The following PLA1A variants were observed in gnomAD, a reference collection of about 807,000 sequenced individuals.
PLA1A encodes phosphatidylserine-specific phospholipase A1alpha.
A neutral mutation model predicts 49.4 loss-of-function variants in PLA1A; 47 were observed. The observed-to-expected ratio is 0.95, with a 90% CI of 0.75 to 1.21. The LOEUF (loss-of-function observed/expected upper bound fraction) is 1.21. Among genes scored for constraint, PLA1A ranks in the 50% most tolerant of loss-of-function variants. The pLI, the probability that PLA1A is intolerant of heterozygous loss-of-function variation, is 0.00. For missense variants in PLA1A, 561 were observed against 563.9 expected, an observed-to-expected ratio of 0.99 and a Z score of 0.05; for synonymous variants, 224 against 207.9, an observed-to-expected ratio of 1.08 and a Z score of -0.67.
At chr3:119,614,036 C>A (rs1272851450) in intron 5 of PLA1A, among the ~76,000 whole-genome samples, 2 of 152,216 alleles carry the variant, frequency 1.3e-5, no homozygotes, top group Non-Finnish European at 2.9e-5. Context: ...TGCTCCACGG[C>A]AAATGCCTGT....
Position 119,618,196 on chromosome 3 carries a change from T to C in PLA1A, c.922+10T>C. 1 of 1,605,424 alleles carries C rather than the reference T, an allele frequency of 6.2e-7. No individual in the cohort carries two copies. The highest frequency in any genetic ancestry group is 8.5e-7 in the Non-Finnish European group (1 of 1,174,906). Reference sequence around the variant, plus strand: ...TCCTGCCCAAGGATAGGTAAAGTGCTACCCCTTTGACTTCCTTTGACAATG... The same window carrying C: ...TCCTGCCCAAGGATAGGTAAAGTGCCACCCCTTTGACTTCCTTTGACAATG... On this transcript the variant is annotated intron_variant, in intron 7 of 10. Coordinates refer to ENST00000273371, the MANE Select transcript of PLA1A (RefSeq NM_015900.4).
chr3:119,614,107 G>C (rs895732279), intron 5 of PLA1A, among the ~76,000 whole-genome samples: 4 of 152,188 alleles, frequency 2.6e-5, no homozygotes, highest in Non-Finnish European at 5.9e-5. Context: ...GACCAGACAA[G>C]CTTGCAGCTC....
chr3:119,602,992 G>A (rs2082638026), intron 1 of PLA1A, among the ~76,000 whole-genome samples: 1 of 152,188 alleles, frequency 6.6e-6, no homozygotes, highest in Non-Finnish European at 1.5e-5. Flanking sequence ...TCTAGAGTGA[G>A]GAAGGGCAAG....
At chr3:119,619,027 A>C (rs760552493) in intron 7 of PLA1A, among the ~76,000 whole-genome samples, 1 of 152,162 alleles carries the variant, frequency 6.6e-6, no homozygotes, top group Non-Finnish European at 1.5e-5. Context: ...GCCACCTCAC[A>C]CTGTCTGCCC....
At chr3:119,606,460 A>G (rs1478547238) in intron 1 of PLA1A, among the ~76,000 whole-genome samples, 1 of 152,190 alleles carries the variant, frequency 6.6e-6, no homozygotes. Flanking sequence ...TAAGATTTCA[A>G]CATATGAATT....
chr3:119,618,618 TG>T (rs1337959266), intron 7 of PLA1A, among the ~76,000 whole-genome samples: 1 of 152,140 alleles, frequency 6.6e-6, no homozygotes, highest in African/African-American at 2.4e-5. Flanking sequence ...TCGTGAGAGC[TG>T]GGGGGATGCC....
chr3:119,626,569 T>G (rs1458322956), intron 9 of PLA1A, among the ~76,000 whole-genome samples: 1 of 152,084 alleles, frequency 6.6e-6, no homozygotes, highest in African/African-American at 2.4e-5. Context: ...TGCCAGGCCT[T>G]GAAGGACAGG....
At chr3:119,627,103 T>C (rs657079) in intron 9 of PLA1A, among the ~76,000 whole-genome samples, 117,131 of 152,106 alleles carry the variant, frequency 0.77, 46,031 homozygotes, top group African/African-American at 0.93. Flanking sequence ...CACAGCTACA[T>C]TTTAAAAGCT....
At chr3:119,612,133 A>G (rs950882747) in intron 4 of PLA1A, among the ~76,000 whole-genome samples, 14 of 152,316 alleles carry the variant, frequency 9.2e-5, no homozygotes, top group Admixed American at 5.9e-4. Context: ...GAGGTGCCCC[A>G]TTGGGGTGAG....
At chr3:119,609,110 C>T (rs780538330) in intron 3 of PLA1A, among the ~76,000 whole-genome samples, 163 bp downstream of exon 3, 1 of 152,086 alleles carries the variant, frequency 6.6e-6, no homozygotes, top group Non-Finnish European at 1.5e-5. Context: ...GCACTGACCT[C>T]GGGCAGCTTA....
At chr3:119,605,379 T>A (rs879392972) in intron 1 of PLA1A, among the ~76,000 whole-genome samples, 16 of 152,206 alleles carry the variant, frequency 1.1e-4, no homozygotes, top group Non-Finnish European at 1.9e-4. Context: ...TGAGGTATTC[T>A]CCACAGGTGG....
At chr3:119,608,260 GA>G (rs1430371301) in intron 2 of PLA1A, among the ~76,000 whole-genome samples, 1 of 148,004 alleles carries the variant, frequency 6.8e-6, no homozygotes, top group African/African-American at 2.5e-5. Flanking sequence ...AAGAAAGAAA[GA>G]AAGAAAGAAA....
At chr3:119,620,401 G>A (rs2107795574) in intron 8 of PLA1A, among the ~76,000 whole-genome samples, 1 of 152,246 alleles carries the variant, frequency 6.6e-6, no homozygotes, top group Non-Finnish European at 1.5e-5. Context: ...AGGGATCTTT[G>A]TGAAAATATC....
Position 119,628,850 on chromosome 3 carries a change from T to G in PLA1A, c.1271T>G (p.Leu424Trp). The G allele has an allele frequency of 1.2e-6, 2 of 1,614,008 alleles. No individual in the cohort carries two copies. Among genetic ancestry groups the G allele is most frequent in the South Asian group, 2.2e-5 (2 of 91,066 alleles). The change falls in exon 10 of 11, where the codon TTG (leucine) becomes TGG (tryptophan). Residue 424 changes from leucine (L) to tryptophan (W), a missense_variant. Coordinates refer to ENST00000273371, the MANE Select transcript of PLA1A (RefSeq NM_015900.4). ...ATTGGGAAGTTCTGCACTGCCCTTT[T>G]GCCTGTCAATGACAGGTAAGCCCCA... ...TIIGKFCTAL[L>W]PVNDREKMVC...
chr3:119,599,900 T>C (rs2082594953), intron 1 of PLA1A, among the ~76,000 whole-genome samples: 1 of 152,196 alleles, frequency 6.6e-6, no homozygotes, highest in Non-Finnish European at 1.5e-5. Flanking sequence ...TAATGTTCCT[T>C]ATTCTTACTT....
At chr3:119,609,663 A>C in intron 4 of PLA1A, 87 bp downstream of exon 4, 3 of 704,932 alleles carry the variant, frequency 4.3e-6, no homozygotes, top group South Asian at 3.5e-5. Context: ...AGCAGAGGGG[A>C]GTACAGAGCC....
At position 119,608,935 on chromosome 3, in the gene PLA1A, C is replaced by G. The variant is rs1175933838; in HGVS notation, c.441C>G (p.Leu147=). ...TGAGCCTCGAGATCTCCCTTTTCCT[C>G]AATAAACTCCTGGTAGGTGCAGAAG... ...IKLSLEISLF[L]NKLLVLGVSE... Residue 147 remains leucine, a synonymous_variant, in exon 3 of 11, where the codon CTC becomes CTG. Coordinates refer to ENST00000273371, the MANE Select transcript of PLA1A (RefSeq NM_015900.4). The G allele has an allele frequency of 1.2e-6, 2 of 1,613,610 alleles. No individual in the cohort carries two copies. The highest frequency in any genetic ancestry group is 8.5e-7 in the Non-Finnish European group (1 of 1,179,706).
rs1167021390 is a variant in PLA1A at position 119,613,131 on chromosome 3, G to A, written c.664+13G>A. ...ACAGACACCGACAGTGAGCTGGGGTGACCTTCCTGGGATGAGGGAATGAGC... is the reference window on the plus strand; with the variant it reads ...ACAGACACCGACAGTGAGCTGGGGTAACCTTCCTGGGATGAGGGAATGAGC... On this transcript the variant is annotated intron_variant, in intron 5 of 10. Transcript: ENST00000273371. 6.4e-7 allele frequency: 1 copy of A among 1,563,862 alleles called. No individual in the cohort carries two copies. Among genetic ancestry groups the A allele is most frequent in the South Asian group, 1.1e-5 (1 of 87,352 alleles).
At chr3:119,610,189 G>A (rs2082746849) in intron 4 of PLA1A, among the ~76,000 whole-genome samples, 1 of 152,082 alleles carries the variant, frequency 6.6e-6, no homozygotes, top group Non-Finnish European at 1.5e-5. Flanking sequence ...AATTCCATAG[G>A]GTATATGTAC....
Sources: gnomAD v4.1 joint callset for allele counts (sites outside exome capture counted in the v4.1 genomes callset) on GRCh38, gnomAD v4.1.1 for gene constraint, MANE v1.5 for transcripts, NCBI Gene and HGNC (gene_info 2026-07-23, HGNC 2026-07-21) for gene names.